Variants in HELZ observed in about 807,000 individuals in gnomAD.
The protein encoded by HELZ is ATP-dependent RNA helicase with zinc finger domain.
HELZ carries 23 observed loss-of-function variants against 218.2 expected under a neutral mutation model. The ratio of observed to expected loss-of-function variants is 0.11; its 90% CI spans 0.08 to 0.15. The LOEUF (loss-of-function observed/expected upper bound fraction) is 0.15. HELZ is among the 10% of genes least tolerant of loss of function. The probability of loss-of-function intolerance (pLI) is 1.00; values close to 1 mark genes in which losing one functional copy is unlikely to be tolerated. For missense variants in HELZ, 1,813 were observed against 2,353.7 expected (o/e 0.77, Z 4.75); for synonymous variants, 814 against 829.4 (o/e 0.98, Z 0.32).
intron 17 of HELZ, among the ~76,000 whole-genome samples, chr17:67,152,420 T>C (rs907302832): frequency 2.6e-5 from 4 of 151,934 alleles, no homozygotes; most frequent in South Asian, 2.1e-4. Flanking sequence ...AGGCCAACAA[T>C]AGAGATATGA....
rs1401082964 is a variant in HELZ, at chr17:67,078,087, CT to C, written c.*164del. ...CAAAAATGCAAAATAATGGAATATA[CT>C]TTAAAAAAATTAGTTGCAAGTCTAG... On this transcript the variant is annotated 3_prime_UTR_variant, in exon 33 of 33. Coordinates refer to ENST00000358691, the MANE Select transcript of HELZ (RefSeq NM_014877.4). 27 of 575,964 alleles carry C rather than the reference CT, an allele frequency of 4.7e-5. No homozygotes were observed. The highest frequency in any genetic ancestry group is 9.2e-4 in the Middle Eastern group (2 of 2,174). The allele number at this position is 575,964 out of a possible 1,614,324, so 35.7% of individuals were successfully genotyped here. A position where few individuals can be genotyped will look rare whatever the true frequency, so the allele number is the denominator to read the frequency against.
intron 28 of HELZ, among the ~76,000 whole-genome samples, chr17:67,111,328 T>C (rs1174950352): frequency 1.3e-5 from 2 of 152,136 alleles, no homozygotes; most frequent in Non-Finnish European, 2.9e-5. Flanking sequence ...AAATAAAATA[T>C]AAGATGGAAA....
chr17:67,115,234 G>A (rs2037394195), intron 27 of HELZ, among the ~76,000 whole-genome samples: 1 of 151,822 alleles, frequency 6.6e-6, no homozygotes, highest in South Asian at 2.1e-4. Flanking sequence ...AAATTTGAAG[G>A]CACAGAAATA....
intron 4 of HELZ, 88 bp from the exon 5 acceptor site, chr17:67,216,023 C>T (rs2040590968): frequency 1.3e-6 from 1 of 790,044 alleles, no homozygotes; most frequent in Non-Finnish European, 2.2e-6. Context: ...GGCTTTGTTT[C>T]AAAGTTTAAT....
rs57691319 is a variant in HELZ at position 67,132,218 on chromosome 17, C to CTGTGTGTGTGTGTGTGTG, written c.3183-3381_3183-3364dup. Among the ~76,000 whole-genome samples, 480 of 147,954 alleles carry CTGTGTGTGTGTGTGTGTG rather than the reference C, an allele frequency of 3.2e-3. 2 individuals carry two copies. The highest frequency in any genetic ancestry group is 3.6e-3 in the African/African-American group (147 of 40,612). ...AAAATCACTTGGTGTCCTTAGGTCACTGTGTGTGTGTGTGTGTGTGTGTGT... is the reference window on the plus strand; with the variant it reads ...AAAATCACTTGGTGTCCTTAGGTCACTGTGTGTGTGTGTGTGTGTGTGTGTGTGTGTGTGTGTGTGTGT... On this transcript the variant is annotated intron_variant, in intron 23 of 32. Coordinates refer to ENST00000358691, the MANE Select transcript of HELZ (RefSeq NM_014877.4).
At chr17:67,175,516 T>C (rs1161945716) in intron 13 of HELZ, among the ~76,000 whole-genome samples, 2 of 152,240 alleles carry the variant, frequency 1.3e-5, no homozygotes, top group African/African-American at 4.8e-5. Flanking sequence ...AAGCAACATA[T>C]GAATGTCTGT....
chr17:67,189,505 C>A, intron 11 of HELZ, 84 bp downstream of exon 11: 1 of 791,590 alleles, frequency 1.3e-6, no homozygotes, highest in South Asian at 1.5e-5. Flanking sequence ...TTTCAATATT[C>A]TTTAACACAG....
intron 31 of HELZ, among the ~76,000 whole-genome samples, chr17:67,103,826 T>C (rs552251005): frequency 3.0e-4 from 45 of 152,326 alleles, no homozygotes; most frequent in African/African-American, 1.0e-3. Context: ...TAAGGACTCA[T>C]ACTTCCAATT....
intron 17 of HELZ, among the ~76,000 whole-genome samples, chr17:67,153,263 G>A (rs1398273598): frequency 6.6e-6 from 1 of 152,160 alleles, no homozygotes; most frequent in Non-Finnish European, 1.5e-5. Flanking sequence ...AGAAGAAGCT[G>A]TGTATCCAGG....
intron 3 of HELZ, among the ~76,000 whole-genome samples, chr17:67,222,878 G>A (rs1237509823): frequency 1.3e-5 from 2 of 152,034 alleles, no homozygotes; most frequent in Admixed American, 6.6e-5. Context: ...CCCCTGCCTA[G>A]GACACATCGA....
At chr17:67,161,300 C>T (rs2038988547) in intron 15 of HELZ, among the ~76,000 whole-genome samples, 1 of 152,298 alleles carries the variant, frequency 6.6e-6, no homozygotes, top group Admixed American at 6.5e-5. Context: ...TTGTCCTACA[C>T]TACGTACAAA....
intron 23 of HELZ, among the ~76,000 whole-genome samples, chr17:67,131,553 A>C (rs933325469): frequency 4.0e-5 from 6 of 151,168 alleles, no homozygotes; most frequent in African/African-American, 1.5e-4. Context: ...GTTAAATCTG[A>C]CCTTTTTTTT....
intron 28 of HELZ, among the ~76,000 whole-genome samples, chr17:67,111,024 A>T (rs1649642759): frequency 6.6e-6 from 1 of 152,242 alleles, no homozygotes; most frequent in African/African-American, 2.4e-5. Flanking sequence ...AGGACATGCT[A>T]GGTAAAGGTA....
chr17:67,115,631 C>T lies in HELZ; in HGVS notation c.3839-1228G>A, dbSNP rs79173001. On this transcript the variant is annotated intron_variant, in intron 27 of 32. Coordinates refer to ENST00000358691, the MANE Select transcript of HELZ (RefSeq NM_014877.4). ...GCATCAGATTTCTCACTGGAAAAAACGCAAGTGAGAAAATGGTAGAACAAC... is the reference window on the plus strand; with the variant it reads ...GCATCAGATTTCTCACTGGAAAAAATGCAAGTGAGAAAATGGTAGAACAAC... Among the ~76,000 whole-genome samples, 92 of 151,940 alleles carry T rather than the reference C, an allele frequency of 6.1e-4. 5 individuals carry two copies. The East Asian group carries it at 0.017, about 28-fold the overall frequency.
chr17:67,130,644 TATATAGCACTC>T (rs2037949965), intron 23 of HELZ, among the ~76,000 whole-genome samples: 1 of 152,162 alleles, frequency 6.6e-6, no homozygotes, highest in East Asian at 1.9e-4. Flanking sequence ...AGGACTATCT[TATATAGCACTC>T]AGGATCTAAA....
chr17:67,184,922 ATTATAAT>A, intron 12 of HELZ, among the ~76,000 whole-genome samples: 1 of 152,296 alleles, frequency 6.6e-6, no homozygotes, highest in Admixed American at 6.5e-5. Context: ...ACCAAATTAT[ATTATAAT>A]TTATAATATT....
At chr17:67,214,748 TC>T (rs2040551724) in intron 5 of HELZ, among the ~76,000 whole-genome samples, 1 of 152,068 alleles carries the variant, frequency 6.6e-6, no homozygotes, top group Admixed American at 6.6e-5. Context: ...TGAACTCTTC[TC>T]CCACTCACTC....
chr17:67,181,804 C>T (rs2039619640), intron 12 of HELZ, among the ~76,000 whole-genome samples: 1 of 151,972 alleles, frequency 6.6e-6, no homozygotes, highest in Non-Finnish European at 1.5e-5. Flanking sequence ...TGGCCAGTGA[C>T]TACTACTAAG....
chr17:67,085,820 A>T lies in HELZ; in HGVS notation c.5494+1009T>A, dbSNP rs551490601. Among the ~76,000 whole-genome samples, 131 of 152,340 alleles carry T rather than the reference A, an allele frequency of 8.6e-4. 2 individuals are homozygous for T. The highest frequency in any genetic ancestry group is 6.8e-3 in the Middle Eastern group (2 of 294). Reference sequence around the variant, plus strand: ...TAATTAGTTTCTTTACATTCAATATAAAAAAGAGAACAGAGGAAAGATCAA... The same window carrying T: ...TAATTAGTTTCTTTACATTCAATATTAAAAAGAGAACAGAGGAAAGATCAA... On this transcript the variant is annotated intron_variant, in intron 32 of 32. Coordinates refer to ENST00000358691, the MANE Select transcript of HELZ (RefSeq NM_014877.4).
Sources: gnomAD v4.1 joint callset for allele counts (sites outside exome capture counted in the v4.1 genomes callset) on GRCh38, gnomAD v4.1.1 for gene constraint, MANE v1.5 for transcripts, NCBI Gene and HGNC (gene_info 2026-07-23, HGNC 2026-07-21) for gene names.